The following MAGI2 variants were observed in gnomAD, a reference collection of about 807,000 sequenced individuals.
MAGI2 encodes membrane-associated guanylate kinase, WW and PDZ domain-containing protein 2.
MAGI2 carries 35 observed loss-of-function variants against 133.3 expected under a neutral mutation model. The ratio of observed to expected loss-of-function variants is 0.26; its 90% CI spans 0.20 to 0.35. The LOEUF is 0.35. MAGI2 is among the 10% of genes least tolerant of loss of function. MAGI2 has a pLI of 1.00. For synonymous variants in MAGI2, 729 were observed against 710.6 expected, an observed-to-expected ratio of 1.03 and a Z score of -0.41; for missense variants, 1,636 against 1,863.4, an observed-to-expected ratio of 0.88 and a Z score of 2.25.
intron 1 of MAGI2, among the ~76,000 whole-genome samples, chr7:79,393,336 T>A (rs1254203930): frequency 6.6e-6 from 1 of 152,216 alleles, no homozygotes; most frequent in Non-Finnish European, 1.5e-5. Flanking sequence ...AAAACAAGCT[T>A]CTTATAAAGA....
At chr7:78,797,285 A>G (rs1787696511) in intron 2 of MAGI2, among the ~76,000 whole-genome samples, 1 of 152,102 alleles carries the variant, frequency 6.6e-6, no homozygotes, top group Non-Finnish European at 1.5e-5. Context: ...TATAAAATTA[A>G]AAAAGATTTA....
At chr7:79,227,806 T>C (rs1014524229) in intron 1 of MAGI2, among the ~76,000 whole-genome samples, 1 of 152,208 alleles carries the variant, frequency 6.6e-6, no homozygotes, top group Non-Finnish European at 1.5e-5. Flanking sequence ...TGATTGTCTC[T>C]AAACTCAAGA....
intron 10 of MAGI2, among the ~76,000 whole-genome samples, chr7:78,239,230 T>G (rs1464561083): frequency 6.6e-6 from 1 of 152,176 alleles, no homozygotes; most frequent in Non-Finnish European, 1.5e-5. Flanking sequence ...GAAATTAGAT[T>G]ATATCTCTCA....
intron 1 of MAGI2, among the ~76,000 whole-genome samples, chr7:79,331,477 T>C (rs1402401477): frequency 1.3e-5 from 2 of 152,270 alleles, no homozygotes; most frequent in Middle Eastern, 3.4e-3. Context: ...ATGGGAACTA[T>C]AGGTATTAAC....
At chr7:79,383,754 C>T (rs955984050) in intron 1 of MAGI2, among the ~76,000 whole-genome samples, 3 of 151,332 alleles carry the variant, frequency 2.0e-5, no homozygotes, top group Non-Finnish European at 3.0e-5. Context: ...AAAAATACAT[C>T]TTTATTTTGT....
chr7:78,202,943 A>G lies in MAGI2; in HGVS notation c.2048-1750T>C, dbSNP rs538242341. ...AGAGTTGACAGTAAAAATTACATAT[A>G]AATAAATACATTTATCTCCTTGACT... is the stretch of plus-strand genomic sequence containing the variant. On this transcript the variant is annotated intron_variant, in intron 10 of 21. Coordinates refer to ENST00000354212, the MANE Select transcript of MAGI2 (RefSeq NM_012301.4). Among the ~76,000 whole-genome samples, 3 of 152,342 alleles carry G rather than the reference A, an allele frequency of 2.0e-5. No homozygotes were observed. The South Asian group carries it at 6.2e-4, about 32-fold the overall frequency.
intron 1 of MAGI2, among the ~76,000 whole-genome samples, chr7:79,236,133 T>C (rs1831904436): frequency 3.9e-5 from 6 of 152,218 alleles, no homozygotes. Context: ...AAGCATACTT[T>C]TCTAAAAACA....
chr7:79,309,714 C>T (rs1046943668), intron 1 of MAGI2, among the ~76,000 whole-genome samples: 3 of 151,680 alleles, frequency 2.0e-5, no homozygotes, highest in African/African-American at 7.3e-5. Context: ...GATCTTTCAT[C>T]GTTTATGATG....
At chr7:78,952,403 G>C (rs1004100349) in intron 2 of MAGI2, among the ~76,000 whole-genome samples, 2 of 151,850 alleles carry the variant, frequency 1.3e-5, no homozygotes, top group African/African-American at 4.8e-5. Context: ...GGTCTATATT[G>C]CCCTCTCATC....
intron 6 of MAGI2, among the ~76,000 whole-genome samples, chr7:78,478,897 A>T (rs1792063685): frequency 6.6e-6 from 1 of 151,970 alleles, no homozygotes; most frequent in African/African-American, 2.4e-5. Flanking sequence ...TCCCTGGCCG[A>T]AGGGCAAGGA....
intron 15 of MAGI2, among the ~76,000 whole-genome samples, chr7:78,162,350 A>G (rs1825120093): frequency 2.6e-5 from 2 of 75,762 alleles, no homozygotes; most frequent in Admixed American, 1.6e-4. Flanking sequence ...CGTCTCTACT[A>G]AAAATACAAA....
rs143633404 is a variant in MAGI2, at chr7:78,831,348, G to A, written c.418+175742C>T. Among the ~76,000 whole-genome samples the A allele has an allele frequency of 5.5e-3, 843 of 151,992 alleles. 7 individuals carry two copies. Among genetic ancestry groups the A allele is most frequent in the Admixed American group, 9.4e-3 (144 of 15,266 alleles). Reference sequence around the variant, plus strand: ...TCATCCTAAAGATTTTCTTCTTTGAGTAAGAATCCAAGTAATTTTACAGCA... The same window carrying A: ...TCATCCTAAAGATTTTCTTCTTTGAATAAGAATCCAAGTAATTTTACAGCA... On this transcript the variant is annotated intron_variant, in intron 2 of 21. Coordinates refer to ENST00000354212, the MANE Select transcript of MAGI2 (RefSeq NM_012301.4).
At chr7:78,796,680 C>G (rs1344593717) in intron 2 of MAGI2, among the ~76,000 whole-genome samples, 1 of 152,090 alleles carries the variant, frequency 6.6e-6, no homozygotes, top group African/African-American at 2.4e-5. Context: ...AATCTGCACT[C>G]CCATGTTTAT....
At chr7:79,367,157 A>G (rs988281061) in intron 1 of MAGI2, among the ~76,000 whole-genome samples, 4 of 152,204 alleles carry the variant, frequency 2.6e-5, no homozygotes, top group Admixed American at 2.0e-4. Flanking sequence ...CCTTCCACTT[A>G]CCCATCCGTC....
chr7:79,212,724 G>T lies in MAGI2; in HGVS notation c.302-205518C>A, dbSNP rs184496979. ...TCTAATAAATCTCAACTAATTGCAG[G>T]AAATAATTTTCTCTCAGTGATTATG... On this transcript the variant is annotated intron_variant, in intron 1 of 21. Transcript: ENST00000354212. Among the ~76,000 whole-genome samples, 4 of 151,900 alleles carry T rather than the reference G, an allele frequency of 2.6e-5. No individual in the cohort carries two copies. In the East Asian group the frequency reaches 7.7e-4, roughly 29 times the overall value.
intron 6 of MAGI2, among the ~76,000 whole-genome samples, chr7:78,489,559 C>G (rs1393630151): frequency 6.6e-6 from 1 of 152,082 alleles, no homozygotes; most frequent in East Asian, 1.9e-4. Context: ...ATATTCAGCA[C>G]AGTCTCCTCA....
chr7:79,055,346 A>G (rs1014731016), intron 1 of MAGI2, among the ~76,000 whole-genome samples: 1 of 152,160 alleles, frequency 6.6e-6, no homozygotes, highest in Admixed American at 6.5e-5. Flanking sequence ...CTGGCGCATA[A>G]TATGTACTCA....
intron 1 of MAGI2, among the ~76,000 whole-genome samples, chr7:79,336,818 G>A (rs185611402): frequency 4.6e-5 from 7 of 152,114 alleles, no homozygotes; most frequent in East Asian, 3.9e-4. Context: ...TACAGAGATC[G>A]AGAATAACAG....
chr7:78,928,679 T>C (rs975059684), intron 2 of MAGI2, among the ~76,000 whole-genome samples: 2 of 152,130 alleles, frequency 1.3e-5, no homozygotes, highest in Admixed American at 6.6e-5. Context: ...ATGGGTATGA[T>C]GCTTCTGCTT....
Sources: gnomAD v4.1 joint callset for allele counts (sites outside exome capture counted in the v4.1 genomes callset) on GRCh38, gnomAD v4.1.1 for gene constraint, MANE v1.5 for transcripts, NCBI Gene and HGNC (gene_info 2026-07-23, HGNC 2026-07-21) for gene names.